Variants in KLHL13 observed in about 807,000 individuals in gnomAD.
KLHL13 encodes the protein kelch like family member 13, also known as kelch-like protein 13.
In KLHL13, 10 loss-of-function variants were observed where a neutral mutation model predicts 37.1. That is an observed-to-expected ratio of 0.27 (90% CI 0.17 to 0.46). KLHL13 has a LOEUF of 0.46. Among genes scored for constraint, KLHL13 ranks in the 20% least tolerant of loss-of-function variants. The probability of loss-of-function intolerance (pLI) is 1.00; values close to 1 mark genes in which losing one functional copy is unlikely to be tolerated. For missense variants in KLHL13, 360 were observed against 509.3 expected (o/e 0.71, Z 2.82); for synonymous variants, 163 against 181.2 (o/e 0.90, Z 0.81).
At chrX:118,091,817 G>T (rs1263952938) in intron 1 of KLHL13, among the ~76,000 whole-genome samples, 1 of 111,230 alleles carries the variant, frequency 9.0e-6, no homozygotes, top group Non-Finnish European at 1.9e-5. Flanking sequence ...TAAAGAAAAT[G>T]TGGAGATACA....
Position 117,937,712 on chromosome X carries a change from C to T in KLHL13, c.240+7722G>A, listed in dbSNP as rs145129209. 8.0e-3 allele frequency among the ~76,000 whole-genome samples: 890 copies of T among 111,576 alleles called. 6 individuals are homozygous for T. The highest frequency in any genetic ancestry group is 0.028 in the African/African-American group (856 of 30,742). On this transcript the variant is annotated intron_variant, in intron 2 of 6. Transcript: ENST00000262820. ...AAAAAGGATTATACAATACATATTGCCTTGTTACATTTTTAATAGCTTTAT... is the reference window on the plus strand; with the variant it reads ...AAAAAGGATTATACAATACATATTGTCTTGTTACATTTTTAATAGCTTTAT...
chrX:118,023,309 CAG>C (rs763754122), intron 1 of KLHL13, among the ~76,000 whole-genome samples: 1 of 110,813 alleles, frequency 9.0e-6, no homozygotes, highest in Non-Finnish European at 1.9e-5. Context: ...ATTGTTGTTT[CAG>C]AGAGATAATT....
At chrX:117,973,646 G>A (rs969534027) in exon 1 of KLHL13, 1 of 869,062 alleles carries the variant, frequency 1.2e-6, no homozygotes, top group Non-Finnish European at 1.4e-6. Context: ...AAGCTGAGAT[G>A]AGCAAAATCT....
intron 1 of KLHL13, among the ~76,000 whole-genome samples, chrX:118,075,745 G>C (rs1027924352): frequency 9.0e-6 from 1 of 111,524 alleles, no homozygotes; most frequent in African/African-American, 3.3e-5. Context: ...TCAAAGCACT[G>C]TGTGCCATCC....
intron 1 of KLHL13, among the ~76,000 whole-genome samples, chrX:118,080,287 CT>C (rs2054976195): frequency 9.0e-6 from 1 of 111,560 alleles, no homozygotes; most frequent in African/African-American, 3.3e-5. Flanking sequence ...CCTAATTAAA[CT>C]AAAGAGCTTC....
rs1380298165 is a variant in KLHL13, at chrX:117,944,586, T to C, written c.240+848A>G. ...AATGGTTCTTGATCAGGGATATGCA[T>C]GAAATCCATCTGGGGAGATTTCTTT... is the stretch of plus-strand genomic sequence containing the variant. On this transcript the variant is annotated intron_variant, in intron 2 of 6. Coordinates refer to ENST00000262820, the Ensembl canonical transcript of KLHL13. Among the ~76,000 whole-genome samples the C allele has an allele frequency of 2.7e-5, 3 of 111,802 alleles. No homozygotes were observed. The Admixed American group carries it at 2.9e-4, about 11-fold the overall frequency.
intron 2 of KLHL13, among the ~76,000 whole-genome samples, chrX:117,930,774 G>C (rs1453755263): frequency 1.8e-5 from 2 of 111,077 alleles, no homozygotes; most frequent in Admixed American, 1.9e-4. Flanking sequence ...GAAAAACTAT[G>C]GACTCATTTC....
At position 118,006,579 on chromosome X, in the gene KLHL13, C is replaced by T. The variant is rs967384529; in HGVS notation, c.-55-61004G>A. Among the ~76,000 whole-genome samples the T allele has an allele frequency of 1.3e-4, 15 of 111,945 alleles. No individual in the cohort carries two copies. The Admixed American group carries it at 1.4e-3, about 11-fold the overall frequency. Reference sequence around the variant, plus strand: ...GGAGCCACAGCTATTCTTAGAAAAACAAATAGACTTAACTCTGCCTTCAGC... The same window carrying T: ...GGAGCCACAGCTATTCTTAGAAAAATAAATAGACTTAACTCTGCCTTCAGC... On this transcript the variant is annotated intron_variant, in intron 1 of 6. Coordinates refer to the KLHL13 transcript ENST00000371882.
intron 1 of KLHL13, among the ~76,000 whole-genome samples, chrX:118,086,922 T>A (rs2055060783): frequency 9.0e-6 from 1 of 111,072 alleles, no homozygotes. Flanking sequence ...TATGATGAAA[T>A]ACAAATTTGG....
At chrX:117,956,487 T>C (rs1602593171) in intron 1 of KLHL13, among the ~76,000 whole-genome samples, 1 of 112,026 alleles carries the variant, frequency 8.9e-6, no homozygotes, top group South Asian at 3.7e-4. Flanking sequence ...GTCATTTAAA[T>C]GGGAATTTTA....
At chrX:118,117,089 A>G (rs2055481814), upstream of KLHL13, among the ~76,000 whole-genome samples, 1 of 113,096 alleles carries the variant, frequency 8.8e-6, no homozygotes, top group Admixed American at 9.2e-5. Context: ...GTGAGCCCAC[A>G]TGGATTCTAG....
At chrX:117,931,997 C>A (rs757043505) in intron 2 of KLHL13, among the ~76,000 whole-genome samples, 1 of 111,015 alleles carries the variant, frequency 9.0e-6, no homozygotes, top group Admixed American at 9.6e-5. Flanking sequence ...TATCCCAGGG[C>A]TAAGCTCTTT....
At chrX:117,934,266 A>G (rs1405380343) in intron 2 of KLHL13, among the ~76,000 whole-genome samples, 1 of 110,973 alleles carries the variant, frequency 9.0e-6, no homozygotes. Context: ...AAATTTGCAC[A>G]CATCCCCCTG....
Position 118,052,205 on chromosome X carries a change from A to G in KLHL13, c.-56+64303T>C, listed in dbSNP as rs958270827. On this transcript the variant is annotated intron_variant, in intron 1 of 6. Transcript: ENST00000371882. ...TTTCAGATAGATTAAATATTGCAATATGAAAAAATCGTAAAAGAAGTAGAG... is the reference window on the plus strand; with the variant it reads ...TTTCAGATAGATTAAATATTGCAATGTGAAAAAATCGTAAAAGAAGTAGAG... 2.5e-4 allele frequency among the ~76,000 whole-genome samples: 28 copies of G among 111,255 alleles called. 1 individual carries two copies. The highest frequency in any genetic ancestry group is 8.8e-4 in the African/African-American group (27 of 30,610).
chrX:117,953,229 A>G (rs1293004893), intron 1 of KLHL13, among the ~76,000 whole-genome samples: 65 of 111,538 alleles, frequency 5.8e-4, no homozygotes, highest in Admixed American at 1.1e-3. Context: ...GCAGCCATAA[A>G]AAATGATGAG....
chrX:118,050,588 TTCTC>T (rs955814800), intron 1 of KLHL13, among the ~76,000 whole-genome samples: 5 of 109,680 alleles, frequency 4.6e-5, no homozygotes, highest in South Asian at 7.7e-4. Context: ...CTTTCTTTCC[TTCTC>T]TCTCTCTCTC....
At chrX:118,020,706 G>A (rs928884406) in intron 1 of KLHL13, among the ~76,000 whole-genome samples, 7 of 109,976 alleles carry the variant, frequency 6.4e-5, no homozygotes, top group African/African-American at 2.0e-4. Context: ...TGTTTATTGC[G>A]GCACTACTCA....
intron 1 of KLHL13, among the ~76,000 whole-genome samples, chrX:117,953,444 C>A (rs758360296): frequency 1.8e-5 from 2 of 110,882 alleles, no homozygotes; most frequent in South Asian, 3.9e-4. Context: ...AGGAGATACA[C>A]CTAATGCTAA....
At chrX:117,973,048 TC>T in exon 1 of KLHL13, 1 of 1,034,745 alleles carries the variant, frequency 9.7e-7, no homozygotes, top group Non-Finnish European at 1.2e-6. Flanking sequence ...GATGATTCAA[TC>T]ATTCCAACTC....
Sources: allele counts gnomAD v4.1 joint callset (sites outside exome capture counted in the v4.1 genomes callset), GRCh38; gene constraint gnomAD v4.1.1; transcripts MANE v1.5; gene names NCBI Gene and HGNC (gene_info 2026-07-23, HGNC 2026-07-21).